SYT6: variants seen among roughly 807,000 people sequenced by gnomAD.
The protein encoded by SYT6 is synaptotagmin 6, also known as synaptotagmin-6.
A neutral mutation model predicts 38.4 loss-of-function variants in SYT6; 24 were observed. The ratio of observed to expected loss-of-function variants is 0.62; its 90% CI spans 0.45 to 0.88. The LOEUF is 0.88. Among genes scored for constraint, SYT6 ranks in the 40% least tolerant of loss-of-function variants. The pLI is 0.00. For synonymous variants in SYT6, 265 were observed against 241.9 expected (o/e 1.10, Z -0.89); for missense variants, 611 against 621.0 (o/e 0.98, Z 0.17).
At position 114,137,662 on chromosome 1, in the gene SYT6, C is replaced by T. The variant is rs759750846; in HGVS notation, c.904G>A (p.Val302Met). 6.2e-7 allele frequency: 1 copy of T among 1,613,874 alleles called. No individual in the cohort carries two copies. Among genetic ancestry groups the T allele is most frequent in the East Asian group, 2.2e-5 (1 of 44,876 alleles). Reference sequence around the variant, plus strand: ...CGGTCAGCCAGCTCCTCATAGGGCACAGGGAAGTGGAAGTTCTCATCAAAG... The same window carrying T: ...CGGTCAGCCAGCTCCTCATAGGGCATAGGGAAGTGGAAGTTCTCATCAAAG... ...PTFDENFHFP[V>M]PYEELADRKL... The change falls in exon 3 of 8, where the codon GTG (valine) becomes ATG (methionine). Residue 302 changes from valine (V) to methionine (M), a missense_variant. Coordinates refer to ENST00000610222, the MANE Select transcript of SYT6 (RefSeq NM_001253772.2).
chr1:114,123,184 A>G (rs1054632394), intron 3 of SYT6, among the ~76,000 whole-genome samples: 1 of 152,176 alleles, frequency 6.6e-6, no homozygotes, highest in African/African-American at 2.4e-5. Context: ...AATGTGGAGG[A>G]GGCATTTTCA....
At chr1:114,153,234 G>A (rs973995889) in intron 1 of SYT6, among the ~76,000 whole-genome samples, 8 of 152,194 alleles carry the variant, frequency 5.3e-5, no homozygotes, top group Non-Finnish European at 1.0e-4. Flanking sequence ...TCCTCAGCCG[G>A]GCGCCCCTCG....
intron 4 of SYT6, among the ~76,000 whole-genome samples, chr1:114,102,512 G>C (rs563879504): frequency 1.3e-5 from 2 of 152,288 alleles, no homozygotes; most frequent in South Asian, 4.1e-4. Flanking sequence ...TCCAGCAACT[G>C]ATTATACCCA....
Position 114,139,939 on chromosome 1 carries a change from A to G in SYT6, c.188T>C (p.Val63Ala). The change falls in exon 2 of 8, where the codon GTT becomes GCT. Residue 63 changes from valine (V) to alanine (A), a missense_variant. Val to Ala is a moderately conservative substitution (Grantham distance 64). Transcript: ENST00000610222. ...GGCCACGCCACACACAATAACTACA[A>G]CTGCGAGGAGGCTGACAGAGGTGCC... ...GAGTSVSLLA[V>A]VVIVCGVALV... 6.6e-7 allele frequency: 1 copy of G among 1,509,960 alleles called. No homozygotes were observed. The highest frequency in any genetic ancestry group is 8.8e-7 in the Non-Finnish European group (1 of 1,131,250). The allele number at this position is 1,509,960 out of a possible 1,614,324, so 93.5% of individuals were successfully genotyped here. A position where few individuals can be genotyped will look rare whatever the true frequency, so the allele number is the denominator to read the frequency against.
intron 1 of SYT6, among the ~76,000 whole-genome samples, chr1:114,149,555 T>G (rs1223753913): frequency 6.6e-6 from 1 of 152,104 alleles, no homozygotes; most frequent in Non-Finnish European, 1.5e-5. Context: ...TCCACCATCA[T>G]TAGGGGATTC....
At position 114,090,060 on chromosome 1, in the gene SYT6, C is replaced by T. The variant is rs905773002; in HGVS notation, c.*2074G>A. The stretch of plus-strand genomic sequence containing the variant: ...TTGAGTTCACTTCCAGAAGGACCTT[C>T]TCACACTAATTTCTGGACTCCTTAT... On this transcript the variant is annotated 3_prime_UTR_variant, in exon 8 of 8. Coordinates refer to ENST00000610222, the MANE Select transcript of SYT6 (RefSeq NM_001253772.2). 15 of 152,382 alleles carry T rather than the reference C, an allele frequency of 9.8e-5. No individual in the cohort carries two copies. The highest frequency in any genetic ancestry group is 1.9e-4 in the Non-Finnish European group (13 of 68,050). The allele number at this position is 152,382 out of a possible 1,614,324, so 9.4% of individuals were successfully genotyped here.
intron 1 of SYT6, among the ~76,000 whole-genome samples, chr1:114,141,268 G>A (rs577099116): frequency 1.5e-4 from 23 of 152,302 alleles, no homozygotes; most frequent in Admixed American, 3.3e-4. Flanking sequence ...GATCTTAAAG[G>A]AAATCAGAAG....
At chr1:114,130,828 C>T (rs969974021) in intron 3 of SYT6, among the ~76,000 whole-genome samples, 1 of 152,154 alleles carries the variant, frequency 6.6e-6, no homozygotes, top group Admixed American at 6.5e-5. Flanking sequence ...CCAGGACAGA[C>T]CTAGAAACCT....
At chr1:114,128,051 G>A (rs1024495170) in intron 3 of SYT6, among the ~76,000 whole-genome samples, 17 of 152,242 alleles carry the variant, frequency 1.1e-4, no homozygotes, top group Non-Finnish European at 2.4e-4. Context: ...CTCAAAGAGG[G>A]CCACAGGACT....
chr1:114,094,447 A>G (rs1052209733), intron 6 of SYT6, among the ~76,000 whole-genome samples: 1 of 152,138 alleles, frequency 6.6e-6, no homozygotes, highest in Admixed American at 6.5e-5. Flanking sequence ...GCGCTGGTCA[A>G]CTCTGTGTGT....
intron 3 of SYT6, among the ~76,000 whole-genome samples, chr1:114,122,938 C>G (rs1248168596): frequency 6.6e-6 from 1 of 152,236 alleles, no homozygotes; most frequent in Non-Finnish European, 1.5e-5. Flanking sequence ...TGTCCGGGCC[C>G]TGCCCGCCCA....
At chr1:114,133,189 G>GCA (rs142851106) in intron 3 of SYT6, among the ~76,000 whole-genome samples, 1 of 151,414 alleles carries the variant, frequency 6.6e-6, no homozygotes, top group East Asian at 1.9e-4. Flanking sequence ...CAACACACAT[G>GCA]CACACACACA....
intron 7 of SYT6, among the ~76,000 whole-genome samples, chr1:114,093,337 C>T (rs59099346): frequency 0.016 from 2,473 of 152,256 alleles, 59 homozygotes; most frequent in African/African-American, 0.054. Flanking sequence ...CTTCTGTTAC[C>T]CTTCTCTGGG....
intron 6 of SYT6, among the ~76,000 whole-genome samples, chr1:114,096,347 A>C (rs944891184): frequency 6.6e-6 from 1 of 152,184 alleles, no homozygotes; most frequent in Non-Finnish European, 1.5e-5. Context: ...GCTATGGGAC[A>C]ATCAAGGCAC....
At chr1:114,127,661 T>A (rs1383509208) in intron 3 of SYT6, among the ~76,000 whole-genome samples, 1 of 152,250 alleles carries the variant, frequency 6.6e-6, no homozygotes, top group Non-Finnish European at 1.5e-5. Flanking sequence ...TGTTCCCATC[T>A]GACCAAGAAA....
At chr1:114,117,491 T>C (rs1677071458) in intron 3 of SYT6, among the ~76,000 whole-genome samples, 1 of 152,206 alleles carries the variant, frequency 6.6e-6, no homozygotes, top group Admixed American at 6.5e-5. Flanking sequence ...GGCAGCTGCC[T>C]TGGAGTTGTT....
chr1:114,129,405 T>C (rs75115614), intron 3 of SYT6, among the ~76,000 whole-genome samples: 1 of 151,302 alleles, frequency 6.6e-6, no homozygotes, highest in African/African-American at 2.4e-5. Flanking sequence ...TATTAACCTC[T>C]CCCGCCTCTT....
intron 4 of SYT6, among the ~76,000 whole-genome samples, chr1:114,101,760 C>T (rs1430225526): frequency 1.3e-5 from 2 of 152,180 alleles, no homozygotes; most frequent in Non-Finnish European, 2.9e-5. Flanking sequence ...CAAGTACACC[C>T]CCACTGCTTC....
rs1026842541 is a variant in SYT6 at position 114,091,911 on chromosome 1, C to A, written c.*223G>T. 5.7e-6 allele frequency: 7 copies of A among 1,237,260 alleles called. No homozygotes were observed. The highest frequency in any genetic ancestry group is 7.9e-6 in the Non-Finnish European group (7 of 884,048). 76.6% of individuals were successfully genotyped at this position (1,237,260 alleles called of 1,614,324 possible). Reference sequence around the variant, plus strand: ...AGACTCTGGAGTGACGGACGGCTGCCGCTGCTGCCGCCACTGCGACTGCAC... The same window carrying A: ...AGACTCTGGAGTGACGGACGGCTGCAGCTGCTGCCGCCACTGCGACTGCAC... On this transcript the variant is annotated 3_prime_UTR_variant, in exon 8 of 8. Transcript: ENST00000610222.
Sources: gnomAD v4.1 joint callset for allele counts (sites outside exome capture counted in the v4.1 genomes callset) on GRCh38, gnomAD v4.1.1 for gene constraint, MANE v1.5 for transcripts, NCBI Gene and HGNC (gene_info 2026-07-23, HGNC 2026-07-21) for gene names.